Variants in WDFY3 observed in about 807,000 individuals in gnomAD.
The protein encoded by WDFY3 is WD repeat and FYVE domain-containing protein 3.
WDFY3 carries 66 observed loss-of-function variants against 409.6 expected under a neutral mutation model. That is an observed-to-expected ratio of 0.16 (90% CI 0.13 to 0.20). The LOEUF (loss-of-function observed/expected upper bound fraction) is 0.20. Ranked by LOEUF, WDFY3 falls within the 10% of genes least tolerant of loss-of-function variation. The pLI is 1.00. For missense variants in WDFY3, 3,031 were observed against 4,298.1 expected (o/e 0.71, Z 8.24); for synonymous variants, 1,521 against 1,537.1 (o/e 0.99, Z 0.25).
At chr4:84,726,244 C>A (rs1286420966) in intron 45 of WDFY3, among the ~76,000 whole-genome samples, 1 of 152,014 alleles carries the variant, frequency 6.6e-6, no homozygotes, top group Non-Finnish European at 1.5e-5. Context: ...TTAAAATTGA[C>A]CTAAAAGAAT....
At chr4:84,732,859 C>A (rs1259741347) in intron 44 of WDFY3, among the ~76,000 whole-genome samples, 1 of 152,058 alleles carries the variant, frequency 6.6e-6, no homozygotes, top group Non-Finnish European at 1.5e-5. Flanking sequence ...ATAAATGGAG[C>A]CAGGGTGTTT....
intron 39 of WDFY3, among the ~76,000 whole-genome samples, chr4:84,739,849 A>G (rs1738093178): frequency 6.6e-6 from 1 of 152,170 alleles, no homozygotes; most frequent in African/African-American, 2.4e-5. Flanking sequence ...TACTAATTTT[A>G]CTCATTTAAC....
intron 2 of WDFY3, among the ~76,000 whole-genome samples, chr4:84,915,923 A>T (rs953110562): frequency 1.3e-5 from 2 of 152,216 alleles, no homozygotes; most frequent in Non-Finnish European, 2.9e-5. Flanking sequence ...TTTTCTAATC[A>T]GGAATGCTAT....
intron 2 of WDFY3, among the ~76,000 whole-genome samples, chr4:84,924,824 CT>C (rs1387022480): frequency 3.9e-5 from 6 of 152,126 alleles, no homozygotes; most frequent in Non-Finnish European, 2.9e-5. Context: ...ACTATAGTAC[CT>C]TCCAACTACA....
At chr4:84,705,596 T>C in intron 53 of WDFY3, 85 bp from the exon 54 acceptor site, 1 of 1,098,550 alleles carries the variant, frequency 9.1e-7, no homozygotes, top group Non-Finnish European at 1.4e-6. Context: ...TTGTGGATGA[T>C]GATGATTTAT....
chr4:84,803,437 A>T lies in WDFY3; in HGVS notation c.2460T>A (p.Pro820=), dbSNP rs1578593419. The part of the protein sequence containing the change: ...RHAYHSVSTP[P]VYPPKNVADL... The stretch of plus-strand genomic sequence containing the variant: ...CGGCAACATTTTTAGGAGGGTAAAC[A>T]GGGGGAGTTGAAACAGAATGATATG... Residue 820 remains proline, a synonymous_variant, in exon 16 of 68, where the codon CCT becomes CCA. Coordinates refer to ENST00000295888, the MANE Select transcript of WDFY3 (RefSeq NM_014991.6). 1 of 1,613,778 alleles carries T rather than the reference A, an allele frequency of 6.2e-7. No individual in the cohort carries two copies. Among genetic ancestry groups the T allele is most frequent in the Non-Finnish European group, 8.5e-7 (1 of 1,179,886 alleles).
At chr4:84,841,466 C>G (rs1757343128) in intron 5 of WDFY3, among the ~76,000 whole-genome samples, 1 of 152,012 alleles carries the variant, frequency 6.6e-6, no homozygotes, top group Admixed American at 6.6e-5. Context: ...TAAAAGCCAA[C>G]CTATATATTT....
chr4:84,876,212 T>A (rs1307443834), intron 3 of WDFY3, among the ~76,000 whole-genome samples: 3 of 152,216 alleles, frequency 2.0e-5, no homozygotes, highest in Non-Finnish European at 4.4e-5. Context: ...TTTCCCAGCC[T>A]CATTATAGTC....
At chr4:84,765,140 TTAAA>T (rs1435870399) in intron 32 of WDFY3, among the ~76,000 whole-genome samples, 2 of 152,156 alleles carry the variant, frequency 1.3e-5, no homozygotes, top group Admixed American at 1.3e-4. Context: ...GACTTTGCCT[TTAAA>T]TAAAGACAGT....
intron 3 of WDFY3, among the ~76,000 whole-genome samples, chr4:84,890,525 G>A (rs963630457): frequency 5.3e-5 from 8 of 152,206 alleles, no homozygotes; most frequent in African/African-American, 1.9e-4. Context: ...GCTGCTGGGA[G>A]GCAGTGCATG....
chr4:84,912,917 G>C (rs1193843316), intron 2 of WDFY3, among the ~76,000 whole-genome samples: 1 of 152,206 alleles, frequency 6.6e-6, no homozygotes, highest in Non-Finnish European at 1.5e-5. Flanking sequence ...GAGTCTTGAA[G>C]GGAAAAGGTA....
At chr4:84,858,871 T>A in intron 4 of WDFY3, among the ~76,000 whole-genome samples, 1 of 142,858 alleles carries the variant, frequency 7.0e-6, no homozygotes, top group Admixed American at 7.1e-5. Context: ...CAGGGGAGAG[T>A]CAGAGACAGG....
chr4:84,750,302 T>C lies in WDFY3; in HGVS notation c.5973+1181A>G, dbSNP rs540814847. Among the ~76,000 whole-genome samples the C allele has an allele frequency of 6.6e-5, 10 of 152,328 alleles. No homozygotes were observed. The South Asian group carries it at 2.1e-3, about 32-fold the overall frequency. On this transcript the variant is annotated intron_variant, in intron 36 of 67. Transcript: ENST00000295888. ...GAAACCAATTATTCTCCTGCCATTATTAAACACTGTCATCCTGGTTAAATG... is the reference window on the plus strand; with the variant it reads ...GAAACCAATTATTCTCCTGCCATTACTAAACACTGTCATCCTGGTTAAATG...
chr4:84,725,678 A>C (rs1232462545), intron 45 of WDFY3, among the ~76,000 whole-genome samples: 1 of 152,174 alleles, frequency 6.6e-6, no homozygotes, highest in Non-Finnish European at 1.5e-5. Flanking sequence ...AAGAATATAT[A>C]ATTTTAAAAA....
intron 5 of WDFY3, among the ~76,000 whole-genome samples, chr4:84,846,105 T>C (rs1227514635): frequency 1.3e-5 from 2 of 152,150 alleles, no homozygotes; most frequent in African/African-American, 2.4e-5. Flanking sequence ...GAAGACCTAT[T>C]TGAGATACGG....
At chr4:84,821,040 G>GAACCCCTTTTCAAAT in intron 11 of WDFY3, 44 bp downstream of exon 11, 2 of 1,494,962 alleles carry the variant, frequency 1.3e-6, no homozygotes, top group South Asian at 2.7e-5. Flanking sequence ...TCTCTGTTTT[G>GAACCCCTTTTCAAAT]AACCCCTTTT....
intron 2 of WDFY3, among the ~76,000 whole-genome samples, chr4:84,924,399 A>G (rs1769702423): frequency 2.6e-5 from 4 of 152,214 alleles, no homozygotes. Context: ...TTTCACATTT[A>G]GTTGACCATT....
chr4:84,693,883 G>A (rs1295049863), intron 58 of WDFY3, among the ~76,000 whole-genome samples: 1 of 144,524 alleles, frequency 6.9e-6, no homozygotes, highest in African/African-American at 2.6e-5. Flanking sequence ...GCAACAAAGC[G>A]AGACTCCGTC....
At chr4:84,801,533 T>C (rs1250235711) in intron 17 of WDFY3, 117 bp downstream of exon 17, 4 of 1,032,824 alleles carry the variant, frequency 3.9e-6, no homozygotes, top group Admixed American at 2.8e-5. Flanking sequence ...ATTTTTGTTA[T>C]ATTTTGCCCA....
Sources: allele counts gnomAD v4.1 joint callset (sites outside exome capture counted in the v4.1 genomes callset), GRCh38; gene constraint gnomAD v4.1.1; transcripts MANE v1.5; gene names NCBI Gene and HGNC (gene_info 2026-07-23, HGNC 2026-07-21).